SLC9A4: variants seen among roughly 807,000 people sequenced by gnomAD.
SLC9A4 encodes the protein solute carrier family 9 member A4.
A neutral mutation model predicts 67.4 loss-of-function variants in SLC9A4; 63 were observed. The observed-to-expected ratio is 0.93, with a 90% CI of 0.76 to 1.15. The LOEUF (loss-of-function observed/expected upper bound fraction) is 1.15. Among genes scored for constraint, SLC9A4 ranks in the 50% most tolerant of loss-of-function variants. The pLI, the probability that SLC9A4 is intolerant of heterozygous loss-of-function variation, is 0.00. For synonymous variants in SLC9A4, 393 were observed against 367.2 expected (o/e 1.07, Z -0.80); for missense variants, 1,089 against 987.7 (o/e 1.10, Z -1.38).
Position 102,505,317 on chromosome 2 carries a change from C to G in SLC9A4, c.1044C>G (p.Tyr348Ter). 6.2e-7 allele frequency: 1 copy of G among 1,614,204 alleles called. No homozygotes were observed. Among genetic ancestry groups the G allele is most frequent in the Non-Finnish European group, 8.5e-7 (1 of 1,180,034 alleles). The change falls in exon 4 of 12, where the codon TAC becomes TAG. Residue 348 changes from tyrosine (Y) to a stop codon, truncating the protein, a stop_gained. Coordinates refer to ENST00000295269, the MANE Select transcript of SLC9A4 (RefSeq NM_001011552.4). LOFTEE classifies it high-confidence loss of function. ...AAGAAAACGTGTCCCAGACATCATA[C>G]ACGACCATCAAGTACTTCATGAAGA... is the stretch of plus-strand genomic sequence containing the variant. Reference protein sequence around the residue: ...YVEENVSQTSYTTIKYFMKML... With the variant: ...YVEENVSQTS
intron 2 of SLC9A4, among the ~76,000 whole-genome samples, chr2:102,484,646 G>C (rs904913395): frequency 6.6e-6 from 1 of 152,204 alleles, no homozygotes. Flanking sequence ...TCACAGATGG[G>C]AGGGCGGATT....
intron 11 of SLC9A4, among the ~76,000 whole-genome samples, chr2:102,528,160 A>G (rs923828128): frequency 2.0e-5 from 3 of 152,100 alleles, no homozygotes; most frequent in Non-Finnish European, 4.4e-5. Context: ...GGCATGTGCC[A>G]CCACACCCGG....
In SLC9A4 at chr2:102,532,004, C is replaced by T. The variant is rs539044520; in HGVS notation, c.2039-326C>T. ...ATTGGCTTTGGACAAGACCAAGCAT[C>T]TTTGTGTCCCATGGTTTATGTCTAT... On this transcript the variant is annotated intron_variant, in intron 11 of 11. Transcript: ENST00000295269. Among the ~76,000 whole-genome samples the T allele has an allele frequency of 3.3e-5, 5 of 152,340 alleles. No homozygotes were observed. In the East Asian group the frequency reaches 9.6e-4, roughly 29 times the overall value.
In SLC9A4 at chr2:102,532,758, T is replaced by C; in HGVS notation, c.*70T>C. Reference sequence around the variant, plus strand: ...CTTCCTATAACTGTGAAAGGAGGATTTCTGGAATTCAGAAGAGAGCTATTG... The same window carrying C: ...CTTCCTATAACTGTGAAAGGAGGATCTCTGGAATTCAGAAGAGAGCTATTG... On this transcript the variant is annotated 3_prime_UTR_variant, in exon 12 of 12. Coordinates refer to ENST00000295269, the MANE Select transcript of SLC9A4 (RefSeq NM_001011552.4). 6.9e-7 allele frequency: 1 copy of C among 1,446,492 alleles called. No individual in the cohort carries two copies. The highest frequency in any genetic ancestry group is 9.4e-7 in the Non-Finnish European group (1 of 1,063,784). 89.6% of individuals were successfully genotyped at this position (1,446,492 alleles called of 1,614,324 possible).
At chr2:102,481,239 C>G (rs971442816) in intron 2 of SLC9A4, among the ~76,000 whole-genome samples, 4 of 152,148 alleles carry the variant, frequency 2.6e-5, no homozygotes, top group Non-Finnish European at 4.4e-5. Flanking sequence ...TCAAGATTTT[C>G]CAGAAAGCCT....
chr2:102,520,940 G>T (rs1685393282), intron 9 of SLC9A4, among the ~76,000 whole-genome samples: 1 of 152,238 alleles, frequency 6.6e-6, no homozygotes, highest in African/African-American at 2.4e-5. Flanking sequence ...CAATGATTAA[G>T]AGGAATGTGT....
intron 4 of SLC9A4, among the ~76,000 whole-genome samples, 161 bp from the exon 5 acceptor site, chr2:102,507,918 G>C (rs1308078452): frequency 6.6e-6 from 1 of 152,134 alleles, no homozygotes; most frequent in African/African-American, 2.4e-5. Context: ...ATCAAAGTGA[G>C]AAGCCATAAA....
intron 2 of SLC9A4, among the ~76,000 whole-genome samples, chr2:102,496,842 AATC>A (rs1684819971): frequency 6.6e-6 from 1 of 152,246 alleles, no homozygotes; most frequent in African/African-American, 2.4e-5. Context: ...ATTAATCAGA[AATC>A]ATCATGGTGG....
intron 2 of SLC9A4, among the ~76,000 whole-genome samples, chr2:102,487,039 C>G (rs553694446): frequency 1.1e-4 from 17 of 152,212 alleles, no homozygotes; most frequent in Non-Finnish European, 2.5e-4. Flanking sequence ...TGCTTCTGAC[C>G]TTCTGTTGGG....
chr2:102,522,936 A>G (rs554237362), intron 9 of SLC9A4, among the ~76,000 whole-genome samples: 1 of 152,128 alleles, frequency 6.6e-6, no homozygotes, highest in Admixed American at 6.6e-5. Flanking sequence ...CCCCTCCCTC[A>G]CTGTTCCCTT....
At chr2:102,521,066 T>C (rs1413120786) in intron 9 of SLC9A4, among the ~76,000 whole-genome samples, 1 of 152,196 alleles carries the variant, frequency 6.6e-6, no homozygotes, top group Admixed American at 6.5e-5. Context: ...AGTAAGACTA[T>C]CACATCCTGC....
intron 8 of SLC9A4, among the ~76,000 whole-genome samples, chr2:102,518,986 A>G (rs1021959002): frequency 7.2e-5 from 11 of 152,224 alleles, no homozygotes; most frequent in Non-Finnish European, 1.0e-4. Context: ...CACATGGAAT[A>G]TATATTATTC....
intron 2 of SLC9A4, among the ~76,000 whole-genome samples, chr2:102,498,139 G>A (rs1684849731): frequency 6.6e-6 from 1 of 152,212 alleles, no homozygotes; most frequent in Admixed American, 6.5e-5. Flanking sequence ...TCCCTTCAGT[G>A]TATAAAAGAC....
At chr2:102,508,348 T>C (rs1191182364) in intron 5 of SLC9A4, 67 bp downstream of exon 5, 4 of 1,376,264 alleles carry the variant, frequency 2.9e-6, no homozygotes, top group Non-Finnish European at 3.9e-6. Context: ...ATTAGTAAAA[T>C]ACAAATAAAG....
intron 2 of SLC9A4, among the ~76,000 whole-genome samples, chr2:102,501,798 T>C (rs905260669): frequency 6.6e-6 from 1 of 151,720 alleles, no homozygotes; most frequent in Non-Finnish European, 1.5e-5. Context: ...GTGATACTGA[T>C]TGTCACTCAG....
intron 2 of SLC9A4, among the ~76,000 whole-genome samples, chr2:102,501,357 G>A (rs1684936749): frequency 6.6e-6 from 1 of 152,098 alleles, no homozygotes; most frequent in African/African-American, 2.4e-5. Flanking sequence ...CTGAGCTCAG[G>A]CAATCTGCCC....
In SLC9A4 at chr2:102,479,142, G is replaced by T; in HGVS notation, c.560G>T (p.Gly187Val). The part of the protein sequence containing the change: ...LYLICQVKAF[G>V]LGDVNLLQNL... ...CTCATCTGCCAGGTGAAGGCCTTTG[G>T]CCTGGGCGACGTCAACCTGCTGCAG... Residue 187 changes from glycine (G) to valine (V), a missense_variant, in exon 2 of 12, where the codon GGC becomes GTC. By Grantham distance (109) the Gly-to-Val change is moderately radical. Coordinates refer to ENST00000295269, the MANE Select transcript of SLC9A4 (RefSeq NM_001011552.4). The T allele has an allele frequency of 6.2e-7, 1 of 1,614,140 alleles. No individual in the cohort carries two copies. The highest frequency in any genetic ancestry group is 1.1e-5 in the South Asian group (1 of 91,062).
intron 4 of SLC9A4, chr2:102,505,874 C>A: frequency 5.4e-6 from 1 of 186,450 alleles, no homozygotes; most frequent in Non-Finnish European, 1.1e-5. Context: ...TATCCTCTTG[C>A]ACCTTAAATC....
chr2:102,499,891 T>G (rs1684888047), intron 2 of SLC9A4, among the ~76,000 whole-genome samples: 1 of 152,220 alleles, frequency 6.6e-6, no homozygotes, highest in African/African-American at 2.4e-5. Flanking sequence ...GTTTAAGACC[T>G]TGTAAAATTC....
Sources: gnomAD v4.1 joint callset for allele counts (sites outside exome capture counted in the v4.1 genomes callset) on GRCh38, gnomAD v4.1.1 for gene constraint, MANE v1.5 for transcripts, NCBI Gene and HGNC (gene_info 2026-07-23, HGNC 2026-07-21) for gene names.